The following PPIP5K2 variants were observed in gnomAD, a reference collection of about 807,000 sequenced individuals.
The protein encoded by PPIP5K2 is diphosphoinositol pentakisphosphate kinase 2, also known as inositol hexakisphosphate and diphosphoinositol-pentakisphosphate kinase 2.
Under a neutral mutation model 154.6 loss-of-function variants are expected in PPIP5K2, and 105 were observed. That is an observed-to-expected ratio of 0.68 (90% CI 0.58 to 0.80). The LOEUF is 0.80. Among genes scored for constraint, PPIP5K2 ranks in the 30% least tolerant of loss-of-function variants. The pLI is 0.00. For synonymous variants in PPIP5K2, 480 were observed against 490.3 expected (o/e 0.98, Z 0.28); for missense variants, 992 against 1,504.6 (o/e 0.66, Z 5.64).
At chr5:103,133,383 CAAAT>C in intron 2 of PPIP5K2, 66 bp from the exon 3 acceptor site, 1 of 1,329,740 alleles carries the variant, frequency 7.5e-7, no homozygotes, top group Non-Finnish European at 1.0e-6. Flanking sequence ...TTTTGGAAAA[CAAAT>C]GAAGATAGCT....
At chr5:103,125,399 G>T (rs1437839041) in intron 1 of PPIP5K2, among the ~76,000 whole-genome samples, 1 of 151,344 alleles carries the variant, frequency 6.6e-6, no homozygotes, top group Non-Finnish European at 1.5e-5. Context: ...AGTCAGTCAG[G>T]TTTTAAACCC....
intron 6 of PPIP5K2, among the ~76,000 whole-genome samples, chr5:103,147,017 G>A (rs1793858593): frequency 1.3e-5 from 2 of 151,862 alleles, no homozygotes; most frequent in Non-Finnish European, 3.0e-5. Flanking sequence ...CATAGAAAAA[G>A]TAACACTAAT....
At chr5:103,172,010 T>G (rs1798050750) in intron 19 of PPIP5K2, among the ~76,000 whole-genome samples, 1 of 151,632 alleles carries the variant, frequency 6.6e-6, no homozygotes, top group Admixed American at 6.6e-5. Flanking sequence ...TTTACACATG[T>G]CTTTCCATTC....
intron 3 of PPIP5K2, among the ~76,000 whole-genome samples, chr5:103,135,234 A>G (rs1791274420): frequency 6.6e-6 from 1 of 152,184 alleles, no homozygotes; most frequent in Non-Finnish European, 1.5e-5. Flanking sequence ...TTAATTCCTC[A>G]AAACTCTACT....
At chr5:103,199,913 G>A (rs1441898269) in intron 30 of PPIP5K2, among the ~76,000 whole-genome samples, 1 of 152,082 alleles carries the variant, frequency 6.6e-6, no homozygotes, top group African/African-American at 2.4e-5. Flanking sequence ...CTGTTAATCT[G>A]ACTCATCTCC....
At chr5:103,151,887 AC>A (rs1172186440) in intron 9 of PPIP5K2, among the ~76,000 whole-genome samples, 3 of 152,032 alleles carry the variant, frequency 2.0e-5, no homozygotes, top group Non-Finnish European at 4.4e-5. Flanking sequence ...ATATTCTTCA[AC>A]CTGTTTTCTT....
At chr5:103,175,861 A>G (rs1225705370) in intron 21 of PPIP5K2, among the ~76,000 whole-genome samples, 5 of 152,082 alleles carry the variant, frequency 3.3e-5, no homozygotes, top group African/African-American at 1.2e-4. Flanking sequence ...TTATTTTAAA[A>G]ATCAGTGCTT....
chr5:103,186,362 G>T lies in PPIP5K2; in HGVS notation c.3212G>T (p.Gly1071Val), dbSNP rs1049080008. The change falls in exon 27 of 31, where the codon GGT becomes GTT. Residue 1071 changes from glycine (G) to valine (V), a missense_variant. Gly to Val is a moderately radical substitution (Grantham distance 109, BLOSUM62 -3). Around this residue, in one of 9 missense-constraint regions of PPIP5K2, gnomAD observed 204 missense variants for 224.0 expected, o/e 0.91. Transcript: ENST00000358359. ...CTGTTTAGCACCTCGGTGCTCGGGGGTTCTTCAAGCGCACCTAACCTACAG... is the reference window on the plus strand; with the variant it reads ...CTGTTTAGCACCTCGGTGCTCGGGGTTTCTTCAAGCGCACCTAACCTACAG... ...AGLFSTSVLG[G>V]SSSAPNLQDY... 3 of 1,613,872 alleles carry T rather than the reference G, an allele frequency of 1.9e-6. No homozygotes were observed. Among genetic ancestry groups the T allele is most frequent in the Non-Finnish European group, 2.5e-6 (3 of 1,179,870 alleles).
At chr5:103,148,937 G>A (rs992589258) in intron 7 of PPIP5K2, among the ~76,000 whole-genome samples, 2 of 152,046 alleles carry the variant, frequency 1.3e-5, no homozygotes, top group East Asian at 3.9e-4. Flanking sequence ...TATAGAGAAT[G>A]AAACTTCACT....
intron 18 of PPIP5K2, 95 bp downstream of exon 18, chr5:103,167,415 A>G (rs1797299091): frequency 2.7e-6 from 3 of 1,127,900 alleles, no homozygotes; most frequent in African/African-American, 3.2e-5. Context: ...TAAGAAATCA[A>G]GCCTCTCTTG....
intron 5 of PPIP5K2, among the ~76,000 whole-genome samples, chr5:103,139,575 A>G (rs1792198621): frequency 6.6e-6 from 1 of 152,176 alleles, no homozygotes; most frequent in Admixed American, 6.5e-5. Flanking sequence ...ACAAGCCCAA[A>G]CGGTGAAGAC....
Position 103,209,163 on chromosome 5 carries a change from G to A in PPIP5K2, c.*7529G>A, listed in dbSNP as rs1803670061. ...ATTTGAAGGACTATTTGTTTTTGTT[G>A]TAATAGAGTTGTATATAGTCCAGAT... On this transcript the variant is annotated 3_prime_UTR_variant, in exon 31 of 31. Transcript: ENST00000358359. 1 of 152,112 alleles carries A rather than the reference G, an allele frequency of 6.6e-6. No individual in the cohort carries two copies. Among genetic ancestry groups the A allele is most frequent in the Non-Finnish European group, 1.5e-5 (1 of 68,004 alleles). 9.4% of individuals were successfully genotyped at this position (152,112 alleles called of 1,614,324 possible). A position where few individuals can be genotyped will look rare whatever the true frequency, so the allele number is the denominator to read the frequency against.
In PPIP5K2 at chr5:103,204,435, TC is replaced by T. The variant is rs1189334497; in HGVS notation, c.*2802del. 6.6e-6 allele frequency: 1 copy of T among 152,176 alleles called. No homozygotes were observed. The highest frequency in any genetic ancestry group is 6.5e-5 in the Admixed American group (1 of 15,272). The allele number at this position is 152,176 out of a possible 1,614,324, so 9.4% of individuals were successfully genotyped here. On this transcript the variant is annotated 3_prime_UTR_variant, in exon 31 of 31. Coordinates refer to ENST00000358359, the MANE Select transcript of PPIP5K2 (RefSeq NM_001276277.3). ...TTGGGAGATATCAAAACAACAGAAT[TC>T]TTGCCAGTGGGAACATTTTTCTTTT...
At chr5:103,195,466 A>G (rs557838639) in intron 30 of PPIP5K2, among the ~76,000 whole-genome samples, 6 of 152,296 alleles carry the variant, frequency 3.9e-5, no homozygotes, top group South Asian at 2.1e-4. Flanking sequence ...GTATTAAAAA[A>G]AGAAAAAAAA....
chr5:103,129,829 ATGT>A (rs1554202132), intron 2 of PPIP5K2, 126 bp downstream of exon 2: 6 of 1,225,480 alleles, frequency 4.9e-6, no homozygotes, highest in South Asian at 2.0e-5. Flanking sequence ...TTCATGACTG[ATGT>A]TGTTGAATCT....
intron 30 of PPIP5K2, among the ~76,000 whole-genome samples, chr5:103,200,444 C>T (rs782055771): frequency 4.0e-5 from 6 of 150,948 alleles, no homozygotes; most frequent in South Asian, 2.1e-4. Flanking sequence ...TATCTAGTAA[C>T]GGCCTGCTCT....
chr5:103,142,111 C>T (rs911546216), intron 5 of PPIP5K2, among the ~76,000 whole-genome samples: 41 of 152,304 alleles, frequency 2.7e-4, no homozygotes, highest in East Asian at 1.4e-3. Context: ...AGGCTCGGGC[C>T]GCACAGGAGC....
At chr5:103,199,841 G>A (rs1055760420) in intron 30 of PPIP5K2, among the ~76,000 whole-genome samples, 13 of 151,532 alleles carry the variant, frequency 8.6e-5, no homozygotes, top group African/African-American at 2.4e-4. Flanking sequence ...CTTTTTATTC[G>A]TTATAAACTT....
At chr5:103,194,350 C>T (rs1406244649) in intron 29 of PPIP5K2, among the ~76,000 whole-genome samples, 1 of 152,124 alleles carries the variant, frequency 6.6e-6, no homozygotes, top group Non-Finnish European at 1.5e-5. Flanking sequence ...AATGAGGCCT[C>T]CCTGTGTTGC....
Sources: allele counts gnomAD v4.1 joint callset (sites outside exome capture counted in the v4.1 genomes callset), GRCh38; gene constraint gnomAD v4.1.1; regional missense constraint gnomAD v4.1.1; transcripts MANE v1.5; gene names NCBI Gene and HGNC (gene_info 2026-07-23, HGNC 2026-07-21).